The following INPP4B variants were observed in gnomAD, a reference collection of about 807,000 sequenced individuals.
INPP4B encodes inositol polyphosphate 4-phosphatase type II.
A neutral mutation model predicts 122.5 loss-of-function variants in INPP4B; 55 were observed. The ratio of observed to expected loss-of-function variants is 0.45; its 90% CI spans 0.36 to 0.56. The LOEUF (loss-of-function observed/expected upper bound fraction) is 0.56. Among genes scored for constraint, INPP4B ranks in the 20% least tolerant of loss-of-function variants. INPP4B has a pLI of 0.00. For synonymous variants in INPP4B, 403 were observed against 388.7 expected, an observed-to-expected ratio of 1.04 and a Z score of -0.43; for missense variants, 1,000 against 1,097.7, an observed-to-expected ratio of 0.91 and a Z score of 1.26.
At chr4:142,081,631 T>C (rs1773942067) in intron 25 of INPP4B, among the ~76,000 whole-genome samples, 1 of 152,154 alleles carries the variant, frequency 6.6e-6, no homozygotes, top group Non-Finnish European at 1.5e-5. Flanking sequence ...GTTAGTTTAA[T>C]TTTGCAAGTA....
chr4:142,525,952 A>C (rs1008055687), intron 2 of INPP4B, among the ~76,000 whole-genome samples: 4 of 152,122 alleles, frequency 2.6e-5, no homozygotes, highest in African/African-American at 9.7e-5. Context: ...GTGAACAGGC[A>C]ACCTACAAAA....
intron 1 of INPP4B, among the ~76,000 whole-genome samples, chr4:142,831,567 A>G (rs751576396): frequency 2.0e-5 from 3 of 152,242 alleles, no homozygotes; most frequent in African/African-American, 4.8e-5. Context: ...ACTATCCATT[A>G]ATTTAAAGAA....
At position 142,429,205 on chromosome 4, in the gene INPP4B, G is replaced by A; in HGVS notation, c.104C>T (p.Thr35Ile). 2 of 1,562,044 alleles carry A rather than the reference G, an allele frequency of 1.3e-6. No homozygotes were observed. The highest frequency in any genetic ancestry group is 1.8e-6 in the Non-Finnish European group (2 of 1,137,784). The change falls in exon 5 of 26, where the codon ACT becomes ATT. Residue 35 changes from threonine to isoleucine, a missense_variant. Physicochemically the swap from Thr to Ile is moderately conservative, Grantham distance 89 (BLOSUM62 -1). Coordinates refer to ENST00000262992, the MANE Select transcript of INPP4B (RefSeq NM_001101669.3). ...GAATTCCAACTGCGGTTCATTTGGA[G>A]TCTTCTGGATACCTATAAATAATAG... The part of the protein sequence containing the change: ...GDCQFTSIQK[T>I]PNEPQLEFIL...
At chr4:142,036,042 C>T (rs142379106) in intron 25 of INPP4B, among the ~76,000 whole-genome samples, 183 of 152,066 alleles carry the variant, frequency 1.2e-3, no homozygotes, top group African/African-American at 4.3e-3. Flanking sequence ...GATTTTCAAC[C>T]ACCCTCCCCT....
intron 1 of INPP4B, among the ~76,000 whole-genome samples, chr4:142,806,278 CAAAAAAAAAAAAAA>C (rs1175185594): frequency 5.6e-5 from 3 of 53,598 alleles, no homozygotes; most frequent in African/African-American, 1.5e-4. Context: ...GACTCCGTCT[CAAAAAAAAAAAAAA>C]AAAAAAAAAA....
intron 25 of INPP4B, among the ~76,000 whole-genome samples, chr4:142,059,783 G>A (rs552018629): frequency 2.7e-4 from 41 of 152,198 alleles, no homozygotes; most frequent in African/African-American, 3.6e-4. Context: ...CCATTCTACC[G>A]ATGGCATAAC....
intron 7 of INPP4B, among the ~76,000 whole-genome samples, chr4:142,385,042 G>A (rs1795495908): frequency 6.6e-6 from 1 of 152,066 alleles, no homozygotes; most frequent in African/African-American, 2.4e-5. Flanking sequence ...CCATGTCTTT[G>A]CTATTGTGAA....
intron 1 of INPP4B, among the ~76,000 whole-genome samples, chr4:142,751,481 T>G (rs903572243): frequency 6.6e-5 from 9 of 135,624 alleles, no homozygotes; most frequent in Admixed American, 5.7e-4. Context: ...AACACATACT[T>G]TGTTTCCACT....
intron 25 of INPP4B, among the ~76,000 whole-genome samples, chr4:142,045,477 G>A (rs1750865860): frequency 1.3e-5 from 2 of 152,062 alleles, no homozygotes; most frequent in African/African-American, 4.8e-5. Flanking sequence ...TATCTACTTA[G>A]AGTTAATAAA....
At chr4:142,051,566 C>T (rs7665486) in intron 25 of INPP4B, among the ~76,000 whole-genome samples, 1 of 151,878 alleles carries the variant, frequency 6.6e-6, no homozygotes, top group Non-Finnish European at 1.5e-5. Flanking sequence ...ATAAAAAAGT[C>T]TTACATATAA....
In INPP4B at chr4:142,222,593, T is replaced by C. The variant is rs570577234; in HGVS notation, c.837-13567A>G. Among the ~76,000 whole-genome samples the C allele has an allele frequency of 5.3e-5, 8 of 152,364 alleles. No homozygotes were observed. In the South Asian group the frequency reaches 1.4e-3, roughly 28 times the overall value. On this transcript the variant is annotated intron_variant, in intron 12 of 25. Transcript: ENST00000262992. ...TGAGTGCTTATTATATGTTAGGTAT[T>C]GTGCTAAATTCCAAGAATAATACAA...
chr4:142,373,402 A>G (rs947542850), intron 7 of INPP4B, among the ~76,000 whole-genome samples: 7 of 152,010 alleles, frequency 4.6e-5, no homozygotes, highest in Admixed American at 6.6e-5. Context: ...CTTGCAAAAT[A>G]TAATAGGTAT....
chr4:142,325,773 T>C (rs568799258), intron 7 of INPP4B, among the ~76,000 whole-genome samples: 2 of 152,334 alleles, frequency 1.3e-5, no homozygotes, highest in South Asian at 4.1e-4. Context: ...TGCGCCATTA[T>C]ACTAAATTCT....
intron 2 of INPP4B, among the ~76,000 whole-genome samples, chr4:142,645,243 C>G (rs978003288): frequency 6.6e-6 from 1 of 152,046 alleles, no homozygotes; most frequent in Non-Finnish European, 1.5e-5. Context: ...AAAAGAAATG[C>G]TCTATCAACT....
intron 2 of INPP4B, among the ~76,000 whole-genome samples, chr4:142,556,442 T>C (rs1488186606): frequency 6.6e-6 from 1 of 152,164 alleles, no homozygotes; most frequent in Non-Finnish European, 1.5e-5. Context: ...TATGGTAATT[T>C]AAATAGAAGA....
chr4:142,744,116 G>T (rs751242212), intron 1 of INPP4B, among the ~76,000 whole-genome samples: 6 of 151,934 alleles, frequency 3.9e-5, no homozygotes, highest in Middle Eastern at 3.4e-3. Flanking sequence ...TCTCAGAAAA[G>T]AAATGAAATC....
At chr4:142,455,947 T>C (rs1815321526) in intron 3 of INPP4B, among the ~76,000 whole-genome samples, 1 of 152,080 alleles carries the variant, frequency 6.6e-6, no homozygotes, top group Non-Finnish European at 1.5e-5. Context: ...TATTTGTATG[T>C]CTTCTTTTGA....
intron 17 of INPP4B, among the ~76,000 whole-genome samples, chr4:142,146,977 T>C (rs906359996): frequency 6.6e-6 from 1 of 152,212 alleles, no homozygotes; most frequent in African/African-American, 2.4e-5. Flanking sequence ...ATTGTTTAAA[T>C]ACTATTTTGA....
intron 6 of INPP4B, among the ~76,000 whole-genome samples, chr4:142,404,324 G>A (rs976523306): frequency 1.3e-5 from 2 of 152,166 alleles, no homozygotes; most frequent in Non-Finnish European, 2.9e-5. Context: ...GGGCAGGCTA[G>A]TTAGGTTCTT....
Sources: gnomAD v4.1 joint callset for allele counts (sites outside exome capture counted in the v4.1 genomes callset) on GRCh38, gnomAD v4.1.1 for gene constraint, MANE v1.5 for transcripts, NCBI Gene and HGNC (gene_info 2026-07-23, HGNC 2026-07-21) for gene names.